The following ARK2C variants were observed in gnomAD, a reference collection of about 807,000 sequenced individuals.
The protein encoded by ARK2C is arkadia (RNF111) C-terminal like ring finger ubiquitin ligase 2C, also known as E3 ubiquitin-protein ligase ARK2C.
At chr18:46,394,785 T>A in the ARK2C span, among the ~76,000 whole-genome samples, 1 of 152,170 alleles carries the variant, frequency 6.6e-6, no homozygotes, top group Admixed American at 6.5e-5. Flanking sequence ...TGGTCCTGAG[T>A]GTGTTTCTGC....
chr18:46,346,989 C>T, the ARK2C span, among the ~76,000 whole-genome samples: 2 of 152,218 alleles, frequency 1.3e-5, no homozygotes, highest in East Asian at 1.9e-4. Flanking sequence ...GAATGGGCAA[C>T]AAGAATGGCC....
chr18:46,440,705 C>T, the ARK2C span, among the ~76,000 whole-genome samples: 3 of 143,490 alleles, frequency 2.1e-5, no homozygotes, highest in Non-Finnish European at 3.1e-5. Flanking sequence ...TTCTGTTATA[C>T]TTTGTATCAA....
the ARK2C span, among the ~76,000 whole-genome samples, chr18:46,440,039 A>G: frequency 1.3e-5 from 2 of 152,194 alleles, no homozygotes; most frequent in East Asian, 3.9e-4. Flanking sequence ...CATGTTGGCC[A>G]GGATGGTCTC....
the ARK2C span, among the ~76,000 whole-genome samples, chr18:46,396,188 C>A: frequency 6.6e-6 from 1 of 152,322 alleles, no homozygotes; most frequent in South Asian, 2.1e-4. Flanking sequence ...AGTCACAAAG[C>A]CAGCCCACAT....
the ARK2C span, among the ~76,000 whole-genome samples, chr18:46,370,814 A>C: frequency 5.3e-5 from 8 of 152,162 alleles, no homozygotes; most frequent in African/African-American, 1.7e-4. Context: ...TTGGGAGGCC[A>C]AGATCCTACA....
chr18:46,377,933 C>T, the ARK2C span, among the ~76,000 whole-genome samples: 2 of 151,846 alleles, frequency 1.3e-5, no homozygotes, highest in Non-Finnish European at 2.9e-5. Flanking sequence ...AGTTCTGGGG[C>T]AGGAAGGCTG....
the ARK2C span, among the ~76,000 whole-genome samples, chr18:46,398,246 C>G: frequency 6.8e-6 from 1 of 147,082 alleles, no homozygotes; most frequent in Non-Finnish European, 1.5e-5. Context: ...TGGGGTCATG[C>G]GGAGGTGTGA....
At chr18:46,408,522 A>G in the ARK2C span, among the ~76,000 whole-genome samples, 1 of 152,306 alleles carries the variant, frequency 6.6e-6, no homozygotes, top group Non-Finnish European at 1.5e-5. Context: ...GGCCATGAGG[A>G]ACTTACCCGT....
chr18:46,420,238 C>A, the ARK2C span, among the ~76,000 whole-genome samples: 2 of 152,210 alleles, frequency 1.3e-5, no homozygotes, highest in African/African-American at 4.8e-5. Context: ...TTCTTCTAAA[C>A]TCTTCCCCAT....
the ARK2C span, among the ~76,000 whole-genome samples, chr18:46,359,792 G>C: frequency 6.6e-6 from 1 of 152,154 alleles, no homozygotes; most frequent in African/African-American, 2.4e-5. Context: ...GCCCAAGATG[G>C]CTGCTAACTC....
the ARK2C span, among the ~76,000 whole-genome samples, chr18:46,440,858 AG>A: frequency 6.6e-6 from 1 of 152,008 alleles, no homozygotes; most frequent in Non-Finnish European, 1.5e-5. Flanking sequence ...ATTGGTTTAT[AG>A]GGTTTTTTTT....
chr18:46,350,888 A>G, the ARK2C span, among the ~76,000 whole-genome samples: 817 of 152,326 alleles, frequency 5.4e-3, 11 homozygotes, highest in African/African-American at 0.019. Context: ...TCATCATCAG[A>G]TGGGCCCATT....
the ARK2C span, among the ~76,000 whole-genome samples, chr18:46,401,913 G>A: frequency 6.6e-6 from 1 of 152,140 alleles, no homozygotes; most frequent in African/African-American, 2.4e-5. Flanking sequence ...ACACAGTGGC[G>A]CTTTCAGGAA....
the ARK2C span, among the ~76,000 whole-genome samples, chr18:46,339,495 A>T: frequency 6.6e-6 from 1 of 152,180 alleles, no homozygotes; most frequent in Non-Finnish European, 1.5e-5. Flanking sequence ...TATTAAGGAG[A>T]CTTTCCCTGT....
chr18:46,441,292 G>A, the ARK2C span, among the ~76,000 whole-genome samples: 25 of 152,200 alleles, frequency 1.6e-4, no homozygotes, highest in East Asian at 4.8e-3. Context: ...GTGCCCAGAC[G>A]CAGGCTGGTC....
the ARK2C span, among the ~76,000 whole-genome samples, chr18:46,366,198 A>G: frequency 6.8e-6 from 1 of 148,008 alleles, no homozygotes; most frequent in Non-Finnish European, 1.5e-5. Flanking sequence ...AGGCTGAGGC[A>G]GGAGACTCGC....
chr18:46,348,113 G>A, the ARK2C span, among the ~76,000 whole-genome samples: 1 of 151,988 alleles, frequency 6.6e-6, no homozygotes, highest in South Asian at 2.1e-4. Flanking sequence ...TGTTCTCTTA[G>A]CCTGCGGCAG....
At chr18:46,357,465 C>G in the ARK2C span, among the ~76,000 whole-genome samples, 2 of 152,230 alleles carry the variant, frequency 1.3e-5, no homozygotes, top group Non-Finnish European at 2.9e-5. Context: ...GGCAAGAAAA[C>G]AGCAGTGTGG....
At chr18:46,415,295 C>T in the ARK2C span, among the ~76,000 whole-genome samples, 75 of 152,202 alleles carry the variant, frequency 4.9e-4, no homozygotes, top group African/African-American at 1.8e-3. Context: ...CCGAGGTGGG[C>T]GGATCACGAG....
Sources: allele counts gnomAD v4.1 joint callset (sites outside exome capture counted in the v4.1 genomes callset), GRCh38; gene constraint gnomAD v4.1.1; transcripts MANE v1.5; gene names NCBI Gene and HGNC (gene_info 2026-07-23, HGNC 2026-07-21).